Variants in CNTNAP4 observed in about 807,000 individuals in gnomAD.
CNTNAP4 encodes contactin-associated protein-like 4.
A neutral mutation model predicts 148.4 loss-of-function variants in CNTNAP4; 98 were observed. That is an observed-to-expected ratio of 0.66 (90% CI 0.56 to 0.78). The LOEUF is 0.78. Ranked by LOEUF, CNTNAP4 falls within the 30% of genes least tolerant of loss-of-function variation. The pLI, the probability that CNTNAP4 is intolerant of heterozygous loss-of-function variation, is 0.00. For missense variants in CNTNAP4, 1,935 were observed against 1,565.6 expected (o/e 1.24, Z -3.98); for synonymous variants, 730 against 565.1 (o/e 1.29, Z -4.14).
At chr16:76,334,502 T>G (rs1327060634) in intron 2 of CNTNAP4, among the ~76,000 whole-genome samples, 3 of 152,180 alleles carry the variant, frequency 2.0e-5, no homozygotes, top group Non-Finnish European at 1.5e-5. Flanking sequence ...TACAAGACTT[T>G]TAATTATCCT....
At chr16:76,511,571 A>G (rs1221333277) in intron 15 of CNTNAP4, among the ~76,000 whole-genome samples, 2 of 152,190 alleles carry the variant, frequency 1.3e-5, no homozygotes, top group Admixed American at 6.5e-5. Context: ...TAATAAAATA[A>G]TGTAACTTTG....
chr16:76,306,238 C>T (rs1292911150), intron 1 of CNTNAP4, among the ~76,000 whole-genome samples: 1 of 152,174 alleles, frequency 6.6e-6, no homozygotes, highest in Non-Finnish European at 1.5e-5. Flanking sequence ...ATCTAAACTG[C>T]TTTCTACAGT....
chr16:76,541,512 G>A (rs2084454480), intron 21 of CNTNAP4, among the ~76,000 whole-genome samples: 2 of 152,052 alleles, frequency 1.3e-5, no homozygotes, highest in South Asian at 4.1e-4. Context: ...TGAGGAGAGG[G>A]GGGCTCTTGT....
chr16:76,403,714 A>G lies in CNTNAP4; in HGVS notation c.391-23738A>G, dbSNP rs372973099. 7.7e-4 allele frequency among the ~76,000 whole-genome samples: 118 copies of G among 152,350 alleles called. 2 individuals are homozygous for G. In the South Asian group the frequency reaches 0.022, roughly 28 times the overall value. On this transcript the variant is annotated intron_variant, in intron 3 of 23. Transcript: ENST00000611870. The stretch of plus-strand genomic sequence containing the variant: ...TTACTGGGTATGTACCCAGAAGAAT[A>G]TAAATCATTCTACCACAAAGACACA...
chr16:76,343,051 A>G (rs902658484), intron 2 of CNTNAP4, among the ~76,000 whole-genome samples: 2 of 151,932 alleles, frequency 1.3e-5, no homozygotes, highest in East Asian at 1.9e-4. Flanking sequence ...GATAAGATTC[A>G]TAGTATTGCC....
intron 4 of CNTNAP4, among the ~76,000 whole-genome samples, chr16:76,443,349 A>G (rs1597557066): frequency 6.6e-6 from 1 of 152,062 alleles, no homozygotes; most frequent in African/African-American, 2.4e-5. Flanking sequence ...TACTTTTCCT[A>G]TTTATACAAT....
chr16:76,515,844 G>GC (rs1164500416), intron 15 of CNTNAP4, among the ~76,000 whole-genome samples: 4 of 152,038 alleles, frequency 2.6e-5, no homozygotes, highest in Non-Finnish European at 5.9e-5. Flanking sequence ...TCAGTATATT[G>GC]AGAAATTGGA....
At position 76,323,341 on chromosome 16, in the gene CNTNAP4, TA is replaced by T. The variant is rs554876198; in HGVS notation, c.196+6826del. Among the ~76,000 whole-genome samples, 19 of 151,808 alleles carry T rather than the reference TA, an allele frequency of 1.3e-4. 1 individual carries two copies. Among genetic ancestry groups the T allele is most frequent in the African/African-American group, 4.1e-4 (17 of 41,308 alleles). On this transcript the variant is annotated intron_variant, in intron 2 of 23. Transcript: ENST00000611870. Reference sequence around the variant, plus strand: ...CAGTCTGGATTTAGTTTGTGAAGTTTAAAAAAAACTTACTAAAACATTAACA... The same window carrying T: ...CAGTCTGGATTTAGTTTGTGAAGTTTAAAAAAACTTACTAAAACATTAACA...
At chr16:76,506,476 CTTTTTTT>C (rs1237064108) in intron 15 of CNTNAP4, among the ~76,000 whole-genome samples, 4 of 43,208 alleles carry the variant, frequency 9.3e-5, no homozygotes, top group African/African-American at 1.5e-4. Flanking sequence ...TCTTCCGTTC[CTTTTTTT>C]TTTTTTTTTT....
At chr16:76,483,799 T>G (rs1329834047) in intron 12 of CNTNAP4, among the ~76,000 whole-genome samples, 1 of 152,190 alleles carries the variant, frequency 6.6e-6, no homozygotes, top group Non-Finnish European at 1.5e-5. Flanking sequence ...GCAGGCCAAA[T>G]TTTTGCAGCT....
At chr16:76,520,277 C>T (rs1722229246) in intron 15 of CNTNAP4, among the ~76,000 whole-genome samples, 1 of 152,030 alleles carries the variant, frequency 6.6e-6, no homozygotes, top group Admixed American at 6.6e-5. Context: ...ATTTGATTTT[C>T]CATAGTTTTT....
chr16:76,504,158 T>C (rs144472527), intron 15 of CNTNAP4, among the ~76,000 whole-genome samples: 3 of 152,144 alleles, frequency 2.0e-5, no homozygotes, highest in African/African-American at 7.2e-5. Flanking sequence ...TTGAAAAATA[T>C]AAACAAAGTT....
rs188188093 is a variant in CNTNAP4 at position 76,289,582 on chromosome 16, T to G, written c.85+11835T>G. On this transcript the variant is annotated intron_variant, in intron 1 of 23. Coordinates refer to ENST00000611870, the MANE Select transcript of CNTNAP4 (RefSeq NM_033401.5). Reference sequence around the variant, plus strand: ...GTTCCAAACTTTTATTTTCCGCCTGTTTTTTTTTGAGACAGAGTCTTGCTC... The same window carrying G: ...GTTCCAAACTTTTATTTTCCGCCTGGTTTTTTTTGAGACAGAGTCTTGCTC... Among the ~76,000 whole-genome samples the G allele has an allele frequency of 3.3e-5, 5 of 150,252 alleles. No homozygotes were observed. The East Asian group carries it at 7.8e-4, about 23-fold the overall frequency.
rs111260649 is a variant in CNTNAP4, at chr16:76,407,332, G to T, written c.391-20120G>T. Among the ~76,000 whole-genome samples, 409 of 152,104 alleles carry T rather than the reference G, an allele frequency of 2.7e-3. 1 individual carries two copies. Among genetic ancestry groups the T allele is most frequent in the African/African-American group, 9.1e-3 (376 of 41,512 alleles). On this transcript the variant is annotated intron_variant, in intron 3 of 23. Transcript: ENST00000611870. ...ACTGTGTCTAGCCCTTGTTTTTGAAGAAATACATTTTGTAAGGCTATAGCT... is the reference window on the plus strand; with the variant it reads ...ACTGTGTCTAGCCCTTGTTTTTGAATAAATACATTTTGTAAGGCTATAGCT...
intron 3 of CNTNAP4, among the ~76,000 whole-genome samples, chr16:76,398,355 G>A (rs1332253249): frequency 6.6e-6 from 1 of 151,976 alleles, no homozygotes; most frequent in Non-Finnish European, 1.5e-5. Context: ...CAATCAAGTT[G>A]ACACTCAATA....
At chr16:76,369,300 A>G (rs1023582904) in intron 3 of CNTNAP4, among the ~76,000 whole-genome samples, 2 of 152,194 alleles carry the variant, frequency 1.3e-5, no homozygotes, top group Admixed American at 6.5e-5. Flanking sequence ...AAGCTACTGC[A>G]TCACACCCAT....
chr16:76,560,085 A>G lies in CNTNAP4; in HGVS notation c.*1402A>G, dbSNP rs994880723. ...CCTTATGGAACTGTTACAATAATTA[A>G]TCTTGAGACCATGCATACAAGGAAC... On this transcript the variant is annotated 3_prime_UTR_variant, in exon 24 of 24. Transcript: ENST00000611870. 4.6e-5 allele frequency among the ~76,000 whole-genome samples: 7 copies of G among 152,174 alleles called. No individual in the cohort carries two copies. The highest frequency in any genetic ancestry group is 7.4e-5 in the Non-Finnish European group (5 of 68,016).
Position 76,458,160 on chromosome 16 carries a change from A to G in CNTNAP4, c.1334-3796A>G, listed in dbSNP as rs1023383697. On this transcript the variant is annotated intron_variant, in intron 8 of 23. Transcript: ENST00000611870. ...TTTTATCGCTACATAATATTCTGTG[A>G]TGTATATGTGCCACATTTTCTTTAT... Among the ~76,000 whole-genome samples the G allele has an allele frequency of 7.2e-5, 11 of 152,218 alleles. No homozygotes were observed. In the East Asian group the frequency reaches 1.9e-3, roughly 27 times the overall value.
At chr16:76,354,948 C>T (rs2012378565) in intron 2 of CNTNAP4, among the ~76,000 whole-genome samples, 1 of 152,212 alleles carries the variant, frequency 6.6e-6, no homozygotes, top group Non-Finnish European at 1.5e-5. Context: ...TACTTCCTTA[C>T]ATCCAGTCCT....
Sources: allele counts gnomAD v4.1 joint callset (sites outside exome capture counted in the v4.1 genomes callset), GRCh38; gene constraint gnomAD v4.1.1; transcripts MANE v1.5; gene names NCBI Gene and HGNC (gene_info 2026-07-23, HGNC 2026-07-21).